GPCPD1: variants seen among roughly 807,000 people sequenced by gnomAD.
The protein encoded by GPCPD1 is glycerophosphocholine phosphodiesterase GPCPD1.
GPCPD1 carries 29 observed loss-of-function variants against 89.2 expected under a neutral mutation model. The ratio of observed to expected loss-of-function variants is 0.33; its 90% CI spans 0.24 to 0.44. The LOEUF (loss-of-function observed/expected upper bound fraction) is 0.44, where lower values mean the gene tolerates loss of function less well. Among genes scored for constraint, GPCPD1 ranks in the 20% least tolerant of loss-of-function variants. GPCPD1 has a pLI of 1.00. For synonymous variants in GPCPD1, 258 were observed against 266.3 expected, an observed-to-expected ratio of 0.97 and a Z score of 0.30; for missense variants, 594 against 808.9, an observed-to-expected ratio of 0.73 and a Z score of 3.22.
chr20:5,561,825 C>G (rs6107653), intron 15 of GPCPD1, among the ~76,000 whole-genome samples: 2 of 152,078 alleles, frequency 1.3e-5, no homozygotes, highest in Non-Finnish European at 2.9e-5. Flanking sequence ...TTCGCCATTA[C>G]TAGTAAACAT....
At chr20:5,568,490 G>A (rs1038484815) in intron 12 of GPCPD1, among the ~76,000 whole-genome samples, 1 of 151,922 alleles carries the variant, frequency 6.6e-6, no homozygotes, top group Non-Finnish European at 1.5e-5. Context: ...TCAAAATTCA[G>A]TATAAAAGTT....
intron 13 of GPCPD1, among the ~76,000 whole-genome samples, chr20:5,567,143 T>C (rs552972975): frequency 2.0e-5 from 3 of 152,280 alleles, no homozygotes; most frequent in South Asian, 4.1e-4. Context: ...AAAAGGCCTA[T>C]TGTAAAATAA....
intron 19 of GPCPD1, chr20:5,548,264 T>C (rs1985147585): frequency 6.5e-6 from 1 of 154,098 alleles, no homozygotes; most frequent in Non-Finnish European, 1.4e-5. Context: ...CTTACCAGCG[T>C]GGGAACTACT....
chr20:5,571,113 G>A (rs2122637242), intron 11 of GPCPD1, among the ~76,000 whole-genome samples: 1 of 152,248 alleles, frequency 6.6e-6, no homozygotes, highest in Non-Finnish European at 1.5e-5. Flanking sequence ...CCCTTACACT[G>A]GCTCTAAATT....
At chr20:5,572,575 G>A (rs1044778234) in intron 11 of GPCPD1, among the ~76,000 whole-genome samples, 8 of 151,966 alleles carry the variant, frequency 5.3e-5, no homozygotes, top group Non-Finnish European at 1.2e-4. Context: ...TTTACTTCCC[G>A]AACTATTTTT....
At chr20:5,604,838 G>A (rs1001280281) in intron 1 of GPCPD1, among the ~76,000 whole-genome samples, 2 of 150,126 alleles carry the variant, frequency 1.3e-5, no homozygotes, top group Non-Finnish European at 3.0e-5. Flanking sequence ...TGTAGTTCCA[G>A]CTACAGATTG....
At chr20:5,577,066 T>TG (rs1555806454) in intron 8 of GPCPD1, among the ~76,000 whole-genome samples, 1 of 42,102 alleles carries the variant, frequency 2.4e-5, no homozygotes, top group African/African-American at 1.6e-4. Flanking sequence ...TTTTTTTTTG[T>TG]TTTTTTTTTT....
chr20:5,578,859 C>T (rs545711144), intron 7 of GPCPD1, among the ~76,000 whole-genome samples: 3 of 152,040 alleles, frequency 2.0e-5, no homozygotes, highest in Non-Finnish European at 2.9e-5. Context: ...ACCATTATGC[C>T]TACTAAGGTT....
chr20:5,550,283 CAAA>C (rs11476159), intron 19 of GPCPD1, among the ~76,000 whole-genome samples: 9 of 76,032 alleles, frequency 1.2e-4, no homozygotes, highest in East Asian at 5.1e-4. Flanking sequence ...TCAAATGAAG[CAAA>C]AAAAAAAAAA....
intron 1 of GPCPD1, among the ~76,000 whole-genome samples, 172 bp from the exon 2 acceptor site, chr20:5,604,612 G>T (rs1206341492): frequency 5.9e-5 from 1 of 17,076 alleles, no homozygotes; most frequent in South Asian, 2.6e-3. Context: ...ACTTTAGTGC[G>T]GGGGGGGGGG....
At chr20:5,606,622 T>G (rs1256456821) in intron 1 of GPCPD1, among the ~76,000 whole-genome samples, 3 of 152,130 alleles carry the variant, frequency 2.0e-5, no homozygotes, top group African/African-American at 2.4e-5. Context: ...GCATTTTTGG[T>G]TGTCACAACT....
At chr20:5,559,214 G>T (rs1985947799) in intron 17 of GPCPD1, among the ~76,000 whole-genome samples, 1 of 151,230 alleles carries the variant, frequency 6.6e-6, no homozygotes, top group African/African-American at 2.4e-5. Context: ...TAAATAAATA[G>T]ATTTAAAAAA....
At position 5,593,324 on chromosome 20, in the gene GPCPD1, T is replaced by TTGGTTTTTAGA; in HGVS notation, c.231+2_231+3insTCTAAAAACCA. 1.4e-6 allele frequency: 2 copies of TTGGTTTTTAGA among 1,447,454 alleles called. No individual in the cohort carries two copies. The highest frequency in any genetic ancestry group is 9.7e-7 in the Non-Finnish European group (1 of 1,029,188). 89.7% of individuals were successfully genotyped at this position (1,447,454 alleles called of 1,614,324 possible). A position where few individuals can be genotyped will look rare whatever the true frequency, so the allele number is the denominator to read the frequency against. Reference sequence around the variant, plus strand: ...AATTGGAAACTAGATAAAGAAAACATACCTTTGGTTCTAAAAAGTACCCTT... The same window carrying TTGGTTTTTAGA: ...AATTGGAAACTAGATAAAGAAAACATTGGTTTTTAGAACCTTTGGTTCTAAAAAGTACCCTT... On this transcript the variant is annotated splice_region_variant and intron_variant, in intron 4 of 19. Transcript: ENST00000379019.
At chr20:5,589,314 T>C (rs1568670227) in intron 4 of GPCPD1, among the ~76,000 whole-genome samples, 2 of 151,652 alleles carry the variant, frequency 1.3e-5, no homozygotes, top group Non-Finnish European at 2.9e-5. Flanking sequence ...TTTACTTCTT[T>C]AAAAAAAAAT....
chr20:5,587,245 TG>T (rs1247787171), intron 4 of GPCPD1, among the ~76,000 whole-genome samples: 7 of 152,230 alleles, frequency 4.6e-5, no homozygotes, highest in African/African-American at 1.7e-4. Context: ...GTTACATAAA[TG>T]TAATTAAATA....
chr20:5,582,618 G>T (rs574765832), intron 6 of GPCPD1, among the ~76,000 whole-genome samples: 25 of 152,310 alleles, frequency 1.6e-4, no homozygotes, highest in African/African-American at 6.0e-4. Flanking sequence ...GCTGGGCATG[G>T]TGGCTTACGC....
At position 5,561,508 on chromosome 20, in the gene GPCPD1, T is replaced by A; in HGVS notation, c.1352A>T (p.Asp451Val). The change falls in exon 16 of 20, where the codon GAT becomes GTT. Residue 451 changes from aspartate (D) to valine (V), a missense_variant. Asp to Val is a radical substitution (Grantham distance 152). Transcript: ENST00000379019. ...TTTTATTTCAATGTTAAACCCTACA[T>A]CTTCTGGCAAAGACTCTAAAACCTA... Reference protein sequence around the residue: ...LKMVLESLPEDVGFNIEIKWI... With the variant: ...LKMVLESLPEVVGFNIEIKWI... 6.2e-7 allele frequency: 1 copy of A among 1,601,912 alleles called. No individual in the cohort carries two copies. The highest frequency in any genetic ancestry group is 1.7e-4 in the Middle Eastern group (1 of 6,024).
chr20:5,604,991 A>T (rs1337799391), intron 1 of GPCPD1, among the ~76,000 whole-genome samples: 19 of 152,008 alleles, frequency 1.2e-4, no homozygotes, highest in African/African-American at 2.9e-4. Context: ...AAGTTTTTTT[A>T]AAAAAAGCAA....
chr20:5,571,445 T>C (rs2122639102), intron 11 of GPCPD1, among the ~76,000 whole-genome samples: 1 of 152,276 alleles, frequency 6.6e-6, no homozygotes, highest in Admixed American at 6.5e-5. Context: ...GTTTAAGTAA[T>C]AAGCCAATAA....
Sources: allele counts gnomAD v4.1 joint callset (sites outside exome capture counted in the v4.1 genomes callset), GRCh38; gene constraint gnomAD v4.1.1; transcripts MANE v1.5; gene names NCBI Gene and HGNC (gene_info 2026-07-23, HGNC 2026-07-21).